IRS1: variants seen among roughly 807,000 people sequenced by gnomAD.
IRS1 encodes insulin receptor substrate 1.
IRS1 carries 34 observed loss-of-function variants against 65.6 expected under a neutral mutation model. That is an observed-to-expected ratio of 0.52 (90% CI 0.39 to 0.69). The LOEUF (loss-of-function observed/expected upper bound fraction) is 0.69. Ranked by LOEUF, IRS1 falls within the 30% of genes least tolerant of loss-of-function variation. The pLI is 0.00. For synonymous variants in IRS1, 699 were observed against 683.5 expected (o/e 1.02, Z -0.35); for missense variants, 1,641 against 1,720.2 (o/e 0.95, Z 0.81).
intron 1 of IRS1, among the ~76,000 whole-genome samples, chr2:226,786,348 CT>C (rs934991425): frequency 1.3e-5 from 2 of 151,718 alleles, no homozygotes; most frequent in African/African-American, 2.4e-5. Flanking sequence ...GTAGTGTGTC[CT>C]TTTTTTTCCC....
rs762739828 is a variant in IRS1, at chr2:226,797,621, C to G, written c.1118G>C (p.Arg373Pro). ...ARLHPPLNHSRSIPMPASRCS... is the reference protein window; with the variant it reads ...ARLHPPLNHSPSIPMPASRCS... The stretch of plus-strand genomic sequence containing the variant: ...GCGGGAAGCCGGCATGGGGATGGAG[C>G]GGCTGTGGTTGAGCGGGGGGTGCAG... The change falls in exon 1 of 2, where the codon CGC becomes CCC. Residue 373 changes from arginine (R) to proline (P), a missense_variant. By Grantham distance (103) the Arg-to-Pro change is moderately radical. This residue lies in a region of IRS1 where 1,324 missense variants were observed against 1,361.0 expected (regional missense o/e 0.97). Coordinates refer to ENST00000305123, the MANE Select transcript of IRS1 (RefSeq NM_005544.3). The surrounding 1 kb of genome is among the most constrained non-coding windows in gnomAD (Gnocchi z 8.1). 2.5e-6 allele frequency: 4 copies of G among 1,588,510 alleles called. No individual in the cohort carries two copies. The South Asian group carries it at 4.6e-5, about 18-fold the overall frequency.
At chr2:226,753,909 G>A (rs1441112819) in intron 1 of IRS1, among the ~76,000 whole-genome samples, 1 of 152,188 alleles carries the variant, frequency 6.6e-6, no homozygotes, top group African/African-American at 2.4e-5. Context: ...CTGGAATGCA[G>A]TGGTGTGATC....
At chr2:226,751,426 G>T (rs866207414) in intron 1 of IRS1, among the ~76,000 whole-genome samples, 1 of 152,042 alleles carries the variant, frequency 6.6e-6, no homozygotes, top group Middle Eastern at 3.4e-3. Context: ...TGGGACTACA[G>T]GCGCCTGCCA....
intron 1 of IRS1, among the ~76,000 whole-genome samples, chr2:226,784,122 C>G (rs1455232785): frequency 6.6e-6 from 1 of 152,088 alleles, no homozygotes; most frequent in Admixed American, 6.5e-5. Flanking sequence ...ATTACCAACA[C>G]ACAGAATTGT....
intron 1 of IRS1, among the ~76,000 whole-genome samples, chr2:226,769,573 G>A (rs894204082): frequency 3.3e-5 from 5 of 152,166 alleles, no homozygotes; most frequent in African/African-American, 9.7e-5. Context: ...TTTCCGACGC[G>A]TTTCATGGGA....
chr2:226,797,630 T>G lies in IRS1; in HGVS notation c.1109A>C (p.Asn370Thr), dbSNP rs750310834. ...RGSARLHPPL[N>T]HSRSIPMPAS... ...CGGCATGGGGATGGAGCGGCTGTGGTTGAGCGGGGGGTGCAGCCGGGCGCT... is the reference window on the plus strand; with the variant it reads ...CGGCATGGGGATGGAGCGGCTGTGGGTGAGCGGGGGGTGCAGCCGGGCGCT... Residue 370 changes from asparagine (N) to threonine (T), a missense_variant, in exon 1 of 2, where the codon AAC becomes ACC. Asn to Thr is a moderately conservative substitution (Grantham distance 65, BLOSUM62 0). Around this residue, in one of 3 missense-constraint regions of IRS1, gnomAD observed 1,324 missense variants for 1,361.0 expected, o/e 0.97. Coordinates refer to ENST00000305123, the MANE Select transcript of IRS1 (RefSeq NM_005544.3). This position sits in a 1 kb window ranked among gnomAD's most constrained non-coding sequence, Gnocchi z 8.1. 6.3e-7 allele frequency: 1 copy of G among 1,588,642 alleles called. No individual in the cohort carries two copies. Among genetic ancestry groups the G allele is most frequent in the Non-Finnish European group, 8.5e-7 (1 of 1,173,026 alleles).
intron 1 of IRS1, among the ~76,000 whole-genome samples, chr2:226,738,141 G>T (rs1320470276): frequency 2.6e-5 from 4 of 152,188 alleles, no homozygotes; most frequent in African/African-American, 9.6e-5. Context: ...TTGACATAAG[G>T]TCAAGATGTA....
At position 226,797,247 on chromosome 2, in the gene IRS1, T is replaced by C; in HGVS notation, c.1492A>G (p.Thr498Ala). The C allele has an allele frequency of 6.2e-7, 1 of 1,613,610 alleles. No individual in the cohort carries two copies. The part of the protein sequence containing the change: ...GGNGHRCTPG[T>A]GLGTSPALAG... ...AAGGCTGGACTCGTGCCCAAGCCTG[T>C]TCCTGGGGTGCAGCGGTGGCCATTG... Residue 498 changes from threonine to alanine, a missense_variant, in exon 1 of 2, where the codon ACA becomes GCA. By Grantham distance (58) the Thr-to-Ala change is moderately conservative. Transcript: ENST00000305123. This position sits in a 1 kb window ranked among gnomAD's most constrained non-coding sequence, Gnocchi z 8.1.
At chr2:226,767,499 T>C (rs917580789) in intron 1 of IRS1, among the ~76,000 whole-genome samples, 1 of 152,222 alleles carries the variant, frequency 6.6e-6, no homozygotes, top group Admixed American at 6.5e-5. Context: ...CCCTTAGCCA[T>C]TCTTTATAGA....
chr2:226,751,231 A>G (rs571463661), intron 1 of IRS1, among the ~76,000 whole-genome samples: 2 of 151,806 alleles, frequency 1.3e-5, no homozygotes, highest in East Asian at 1.9e-4. Flanking sequence ...ACATTGGGGG[A>G]AAACTACAAT....
In IRS1 at chr2:226,799,307, C is replaced by CA; in HGVS notation, c.-570dup. ...CCCACCCCCCAACCGTCCCAGCCGC[C>CA]ACCAGCCGCCCAAATACCAGCTCAG... On this transcript the variant is annotated 5_prime_UTR_variant, in exon 1 of 2. It removes the in-frame stop codon of an upstream open reading frame in the 5' UTR. Transcript: ENST00000305123. This position sits in a 1 kb window ranked among gnomAD's most constrained non-coding sequence, Gnocchi z 6.1. The CA allele has an allele frequency of 1.7e-6, 2 of 1,209,222 alleles. No homozygotes were observed. The highest frequency in any genetic ancestry group is 2.1e-6 in the Non-Finnish European group (2 of 944,016). The allele number at this position is 1,209,222 out of a possible 1,614,324, so 74.9% of individuals were successfully genotyped here.
intron 1 of IRS1, among the ~76,000 whole-genome samples, chr2:226,756,991 A>C (rs1276688523): frequency 6.6e-6 from 1 of 151,544 alleles, no homozygotes; most frequent in East Asian, 1.9e-4. Flanking sequence ...ATAAATAAAT[A>C]AATAAATAAA....
At chr2:226,791,236 G>T (rs995417957) in intron 1 of IRS1, among the ~76,000 whole-genome samples, 1 of 152,134 alleles carries the variant, frequency 6.6e-6, no homozygotes, top group African/African-American at 2.4e-5. Flanking sequence ...CTTGGTTGAG[G>T]GGGGCGGGCA....
Position 226,794,482 on chromosome 2 carries a change from C to T in IRS1, c.*21+507G>A, listed in dbSNP as rs902806802. 1.3e-5 allele frequency among the ~76,000 whole-genome samples: 2 copies of T among 152,018 alleles called. No homozygotes were observed. The highest frequency in any genetic ancestry group is 2.4e-5 in the African/African-American group (1 of 41,394). ...TGCTTCCCGCTGCTGTTTATGTTGC[C>T]CTAGTATTATGAAATCACAGAACAA... On this transcript the variant is annotated intron_variant, in intron 1 of 1. Transcript: ENST00000305123. This position sits in a 1 kb window ranked among gnomAD's most constrained non-coding sequence, Gnocchi z 4.1.
At position 226,795,982 on chromosome 2, in the gene IRS1, AG is replaced by A; in HGVS notation, c.2756del (p.Pro919LeufsTer24). The A allele has an allele frequency of 6.2e-7, 1 of 1,614,148 alleles. No homozygotes were observed. Among genetic ancestry groups the A allele is most frequent in the Non-Finnish European group, 8.5e-7 (1 of 1,180,038 alleles). On this transcript the variant is annotated frameshift_variant, in exon 1 of 2. Coordinates refer to ENST00000305123, the MANE Select transcript of IRS1 (RefSeq NM_005544.3). LOFTEE classifies it high-confidence loss of function. ...GGAGCTGGGATGGACACCTGACAGA[AG>A]GTGAGCTGTGGAAAGCCACCGGGCC... ...LSGPVAFHSS[P>X]SVRCPSQLQP...
chr2:226,737,503 T>C (rs2106156632), intron 1 of IRS1, among the ~76,000 whole-genome samples: 1 of 152,112 alleles, frequency 6.6e-6, no homozygotes, highest in African/African-American at 2.4e-5. Context: ...TAGCAGAGAG[T>C]AGATCAGAAA....
In IRS1 at chr2:226,731,427, T is replaced by A. The variant is rs1435426960; in HGVS notation, c.*4845A>T. The stretch of plus-strand genomic sequence containing the variant: ...CATTTAGACAGTTTTCTTTAATTGA[T>A]GATGAAGACACTACAATTCTAAGTA... On this transcript the variant is annotated 3_prime_UTR_variant, in exon 2 of 2. Transcript: ENST00000305123. The A allele has an allele frequency of 6.6e-6, 1 of 151,926 alleles. No homozygotes were observed. Among genetic ancestry groups the A allele is most frequent in the Admixed American group, 6.6e-5 (1 of 15,254 alleles). The allele number at this position is 151,926 out of a possible 1,614,324, so 9.4% of individuals were successfully genotyped here.
chr2:226,750,036 G>C (rs1391366988), intron 1 of IRS1, among the ~76,000 whole-genome samples: 1 of 152,016 alleles, frequency 6.6e-6, no homozygotes, highest in Non-Finnish European at 1.5e-5. Flanking sequence ...GATCACCTGA[G>C]GTCAGGAGTT....
At position 226,797,737 on chromosome 2, in the gene IRS1, G is replaced by A. The variant is rs149198838; in HGVS notation, c.1002C>T (p.Gly334=). 243 of 1,597,000 alleles carry A rather than the reference G, an allele frequency of 1.5e-4. No individual in the cohort carries two copies. The highest frequency in any genetic ancestry group is 2.0e-4 in the Non-Finnish European group (237 of 1,177,770). Residue 334 remains glycine (G), a synonymous_variant, in exon 1 of 2, where the codon GGC becomes GGT. Transcript: ENST00000305123. This position sits in a 1 kb window ranked among gnomAD's most constrained non-coding sequence, Gnocchi z 8.1. ...FRVRASSDGE[G]TMSRPASVDG... ...CCACCGAGGCTGGGCGGGACATGGT[G>A]CCTTCGCCGTCACTGGAGGCGCGGA... is the stretch of plus-strand genomic sequence containing the variant.
Sources: gnomAD v4.1 joint callset for allele counts (sites outside exome capture counted in the v4.1 genomes callset) on GRCh38, gnomAD v4.1.1 for gene constraint, gnomAD v4.1.1 regional missense constraint, Gnocchi (gnomAD v3.1) non-coding constraint, MANE v1.5 for transcripts, NCBI Gene and HGNC (gene_info 2026-07-23, HGNC 2026-07-21) for gene names.